NUBPL: variants seen among roughly 807,000 people sequenced by gnomAD.
The protein encoded by NUBPL is iron-sulfur cluster transfer protein NUBPL.
In NUBPL, 31 loss-of-function variants were observed where a neutral mutation model predicts 45.7. The observed-to-expected ratio is 0.68, with a 90% confidence interval of 0.51 to 0.92. The LOEUF is 0.92. NUBPL is among the 40% of genes least tolerant of loss of function. NUBPL has a pLI of 0.00. For missense variants in NUBPL, 401 were observed against 398.7 expected (o/e 1.01, Z -0.05); for synonymous variants, 144 against 140.9 (o/e 1.02, Z -0.15).
At chr14:31,639,854 A>G (rs1248993918) in intron 4 of NUBPL, among the ~76,000 whole-genome samples, 1 of 152,192 alleles carries the variant, frequency 6.6e-6, no homozygotes, top group Non-Finnish European at 1.5e-5. Context: ...GCTAGCAATC[A>G]GAGAGACTCC....
chr14:31,852,347 A>G (rs1224621823), intron 10 of NUBPL, among the ~76,000 whole-genome samples: 1 of 152,194 alleles, frequency 6.6e-6, no homozygotes, highest in Non-Finnish European at 1.5e-5. Flanking sequence ...TTGACGTGGT[A>G]TCAAGTAAAT....
intron 6 of NUBPL, among the ~76,000 whole-genome samples, chr14:31,683,725 T>C (rs547416426): frequency 6.6e-6 from 1 of 152,314 alleles, no homozygotes; most frequent in South Asian, 2.1e-4. Context: ...GATCTGAGTT[T>C]AATCTGGTAC....
At chr14:31,700,627 C>A (rs1445561525) in intron 6 of NUBPL, among the ~76,000 whole-genome samples, 1 of 152,100 alleles carries the variant, frequency 6.6e-6, no homozygotes, top group African/African-American at 2.4e-5. Flanking sequence ...CTCGGCGGGC[C>A]CTGCACTTCG....
intron 6 of NUBPL, among the ~76,000 whole-genome samples, chr14:31,724,506 A>G (rs2037878073): frequency 6.6e-6 from 1 of 152,208 alleles, no homozygotes. Flanking sequence ...AGTGCCCAGC[A>G]TGGAGGTAGT....
chr14:31,653,972 C>T, intron 4 of NUBPL: 1 of 381,862 alleles, frequency 2.6e-6, no homozygotes. Flanking sequence ...TAGTATCTGT[C>T]TCTCCTATTG....
chr14:31,624,055 C>T (rs28580449), intron 4 of NUBPL, among the ~76,000 whole-genome samples: 21,006 of 152,010 alleles, frequency 0.14, 4,193 homozygotes, highest in African/African-American at 0.44. Context: ...GGACTAGATG[C>T]GATGTAGGGG....
chr14:31,821,217 C>T (rs12879504), intron 7 of NUBPL, among the ~76,000 whole-genome samples: 1 of 152,048 alleles, frequency 6.6e-6, no homozygotes, highest in Non-Finnish European at 1.5e-5. Context: ...TAAAAAGCTT[C>T]TGCACATTAA....
At chr14:31,563,421 T>C (rs2033352270) in intron 2 of NUBPL, among the ~76,000 whole-genome samples, 1 of 152,220 alleles carries the variant, frequency 6.6e-6, no homozygotes, top group African/African-American at 2.4e-5. Context: ...TATGAGAAAG[T>C]GTACAACATG....
chr14:31,714,177 C>T (rs1219221559), intron 6 of NUBPL, among the ~76,000 whole-genome samples: 1 of 152,116 alleles, frequency 6.6e-6, no homozygotes, highest in South Asian at 2.1e-4. Flanking sequence ...GTTTTGCTTC[C>T]TAATAGAAAG....
At chr14:31,758,413 A>C (rs557298782) in intron 6 of NUBPL, among the ~76,000 whole-genome samples, 1 of 152,344 alleles carries the variant, frequency 6.6e-6, no homozygotes, top group East Asian at 1.9e-4. Flanking sequence ...GTGTGGGAAA[A>C]TTAGCTCTTA....
At chr14:31,637,690 G>T (rs1566465542) in intron 4 of NUBPL, among the ~76,000 whole-genome samples, 1 of 152,210 alleles carries the variant, frequency 6.6e-6, no homozygotes, top group Non-Finnish European at 1.5e-5. Context: ...ACAGTGGGAA[G>T]TTAGAGTCTC....
At chr14:31,775,737 A>G (rs1350947089) in intron 6 of NUBPL, among the ~76,000 whole-genome samples, 1 of 152,188 alleles carries the variant, frequency 6.6e-6, no homozygotes, top group Non-Finnish European at 1.5e-5. Context: ...GCATCTCTGG[A>G]GTACCTTGGT....
chr14:31,744,526 A>G (rs2038352866), intron 6 of NUBPL, among the ~76,000 whole-genome samples: 1 of 152,034 alleles, frequency 6.6e-6, no homozygotes, highest in African/African-American at 2.4e-5. Flanking sequence ...GAGAACAACT[A>G]TATCTCAGAA....
At chr14:31,831,475 TACCATACC>T (rs2040190921) in intron 8 of NUBPL, among the ~76,000 whole-genome samples, 1 of 149,630 alleles carries the variant, frequency 6.7e-6, no homozygotes, top group Non-Finnish European at 1.5e-5. Context: ...TACTATACCA[TACCATACC>T]ATACCATACC....
chr14:31,778,535 T>A (rs1200776498), intron 6 of NUBPL, among the ~76,000 whole-genome samples: 1 of 152,230 alleles, frequency 6.6e-6, no homozygotes, highest in East Asian at 1.9e-4. Context: ...GGCCAAATTT[T>A]ATAAACATTT....
intron 6 of NUBPL, among the ~76,000 whole-genome samples, chr14:31,696,583 G>GA (rs546970253): frequency 0.011 from 1,620 of 149,372 alleles, 23 homozygotes; most frequent in African/African-American, 0.038. Flanking sequence ...TCGCCTGAGT[G>GA]AAAAAAAAAC....
intron 4 of NUBPL, among the ~76,000 whole-genome samples, chr14:31,655,810 G>A (rs569361002): frequency 6.6e-6 from 1 of 152,290 alleles, no homozygotes; most frequent in East Asian, 1.9e-4. Flanking sequence ...ATTTTTGAGA[G>A]CCCTTGTATT....
chr14:31,644,798 A>G (rs1172451859), intron 4 of NUBPL, among the ~76,000 whole-genome samples: 1 of 152,054 alleles, frequency 6.6e-6, no homozygotes, highest in Non-Finnish European at 1.5e-5. Context: ...CTTTAGATCT[A>G]TTAATGTTTG....
chr14:31,655,558 C>T (rs1335386348), intron 4 of NUBPL, among the ~76,000 whole-genome samples: 2 of 152,118 alleles, frequency 1.3e-5, no homozygotes, highest in African/African-American at 2.4e-5. Flanking sequence ...ACTGAAAATA[C>T]AAAAATTAGC....
Sources: gnomAD v4.1 joint callset for allele counts (sites outside exome capture counted in the v4.1 genomes callset) on GRCh38, gnomAD v4.1.1 for gene constraint, MANE v1.5 for transcripts, NCBI Gene and HGNC (gene_info 2026-07-23, HGNC 2026-07-21) for gene names.